DOCK3: variants seen among roughly 807,000 people sequenced by gnomAD.
DOCK3 encodes dedicator of cytokinesis 3.
In DOCK3, 60 loss-of-function variants were observed where a neutral mutation model predicts 265.6. That is an observed-to-expected ratio of 0.23 (90% CI 0.18 to 0.28). The LOEUF is 0.28. Among genes scored for constraint, DOCK3 ranks in the 10% least tolerant of loss-of-function variants. DOCK3 has a pLI of 1.00. For synonymous variants in DOCK3, 881 were observed against 938.0 expected, an observed-to-expected ratio of 0.94 and a Z score of 1.11; for missense variants, 1,981 against 2,594.3, an observed-to-expected ratio of 0.76 and a Z score of 5.14.
chr3:50,738,283 G>A (rs2038775110), intron 1 of DOCK3, among the ~76,000 whole-genome samples: 1 of 152,098 alleles, frequency 6.6e-6, no homozygotes, highest in South Asian at 2.1e-4. Flanking sequence ...AGTCAGCCTG[G>A]TGCTGGAGTT....
intron 27 of DOCK3, among the ~76,000 whole-genome samples, chr3:51,307,888 T>TG (rs923919500): frequency 9.3e-5 from 14 of 149,778 alleles, no homozygotes; most frequent in African/African-American, 3.2e-4. Context: ...GGTTTTTTTT[T>TG]TTGTTTTTTT....
At chr3:50,948,021 A>AATTATCATTATT (rs1425455436) in intron 5 of DOCK3, among the ~76,000 whole-genome samples, 9 of 120,334 alleles carry the variant, frequency 7.5e-5, no homozygotes, top group South Asian at 2.8e-4. Flanking sequence ...ACGCCCAGCT[A>AATTATCATTATT]ATTATTATTA....
intron 9 of DOCK3, among the ~76,000 whole-genome samples, chr3:51,134,175 T>C (rs781661979): frequency 2.6e-5 from 4 of 152,170 alleles, no homozygotes; most frequent in Non-Finnish European, 5.9e-5. Context: ...TTATCCAGTC[T>C]ACCATTGATG....
intron 5 of DOCK3, among the ~76,000 whole-genome samples, chr3:51,053,162 C>T (rs1412001439): frequency 8.1e-6 from 1 of 122,958 alleles, no homozygotes. Context: ...TGGCATTGAA[C>T]AAAAAAATAG....
At chr3:50,807,970 C>T (rs1227469304) in intron 2 of DOCK3, among the ~76,000 whole-genome samples, 1 of 152,182 alleles carries the variant, frequency 6.6e-6, no homozygotes, top group African/African-American at 2.4e-5. Context: ...AGGCTGGTCT[C>T]AAGCAGTCCT....
At chr3:50,712,721 G>C (rs2036852678) in intron 1 of DOCK3, among the ~76,000 whole-genome samples, 1 of 152,060 alleles carries the variant, frequency 6.6e-6, no homozygotes, top group Non-Finnish European at 1.5e-5. Context: ...TTTCCTCTTT[G>C]ACTCACTGGT....
At chr3:50,949,763 G>A (rs7433217) in intron 5 of DOCK3, among the ~76,000 whole-genome samples, 116,650 of 152,048 alleles carry the variant, frequency 0.77, 45,695 homozygotes, top group Middle Eastern at 0.88. Flanking sequence ...CCATAAAATT[G>A]CCTTCTCCCA....
At chr3:50,835,735 ATT>A (rs1213215445) in intron 2 of DOCK3, among the ~76,000 whole-genome samples, 1 of 152,222 alleles carries the variant, frequency 6.6e-6, no homozygotes. Context: ...TAAGGGTTCC[ATT>A]TTTGTAGCAG....
At chr3:51,363,635 A>T (rs148925936) in intron 49 of DOCK3, among the ~76,000 whole-genome samples, 2 of 152,098 alleles carry the variant, frequency 1.3e-5, no homozygotes, top group African/African-American at 4.8e-5. Flanking sequence ...ATCCCTCCCC[A>T]CTTCCCCCAC....
intron 2 of DOCK3, among the ~76,000 whole-genome samples, chr3:50,803,717 C>T (rs2043205538): frequency 6.6e-6 from 1 of 151,208 alleles, no homozygotes; most frequent in African/African-American, 2.4e-5. Flanking sequence ...CCACCTCCCT[C>T]CCAGATGGGG....
intron 22 of DOCK3, among the ~76,000 whole-genome samples, chr3:51,258,485 C>T (rs4974099): frequency 0.82 from 124,945 of 152,060 alleles, 51,917 homozygotes; most frequent in Middle Eastern, 0.9. Context: ...TCTGTGTGAC[C>T]TAACTGAGGA....
Position 51,159,551 on chromosome 3 carries a change from T to A in DOCK3, c.889+247T>A, listed in dbSNP as rs1458974960. Among the ~76,000 whole-genome samples the A allele has an allele frequency of 3.9e-5, 6 of 152,320 alleles. No homozygotes were observed. In the East Asian group the frequency reaches 7.7e-4, roughly 20 times the overall value. On this transcript the variant is annotated intron_variant, in intron 11 of 52. Transcript: ENST00000266037. ...CACTTAAAACCTTCTGCTCCCTGTT[T>A]TTAGACCCAAACTTTTTATTTAAAA...
chr3:51,327,549 G>A (rs1417634132), intron 32 of DOCK3, among the ~76,000 whole-genome samples: 2 of 151,972 alleles, frequency 1.3e-5, no homozygotes, highest in Non-Finnish European at 2.9e-5. Context: ...ACTTACAGAT[G>A]TTGATTTTGC....
At chr3:50,707,607 G>T (rs1421271326) in intron 1 of DOCK3, among the ~76,000 whole-genome samples, 2 of 152,154 alleles carry the variant, frequency 1.3e-5, no homozygotes, top group African/African-American at 4.8e-5. Context: ...GTCTTTGGTG[G>T]GGATGGGGAT....
intron 9 of DOCK3, among the ~76,000 whole-genome samples, chr3:51,130,900 G>T (rs1245253560): frequency 6.6e-6 from 1 of 152,106 alleles, no homozygotes; most frequent in African/African-American, 2.4e-5. Flanking sequence ...TAGAGATGGG[G>T]TTTCACGGTG....
chr3:50,860,140 G>T (rs974416988), intron 3 of DOCK3, among the ~76,000 whole-genome samples: 3 of 152,166 alleles, frequency 2.0e-5, no homozygotes, highest in Non-Finnish European at 4.4e-5. Context: ...GGGGTTCCTT[G>T]TCTGGTGATG....
intron 42 of DOCK3, 56 bp from the exon 43 acceptor site, chr3:51,356,351 G>A: frequency 6.2e-7 from 1 of 1,612,236 alleles, no homozygotes; most frequent in Non-Finnish European, 8.5e-7. Context: ...CCTCAGGTAG[G>A]CAGGGTGTGG....
chr3:50,778,816 A>T, intron 2 of DOCK3, 58 bp downstream of exon 2: 1 of 1,211,258 alleles, frequency 8.3e-7, no homozygotes. Flanking sequence ...TATTATATAC[A>T]TTTATTTTGT....
intron 23 of DOCK3, among the ~76,000 whole-genome samples, chr3:51,266,421 T>G (rs1278694798): frequency 6.6e-6 from 1 of 152,148 alleles, no homozygotes; most frequent in Non-Finnish European, 1.5e-5. Context: ...CTACCTGACT[T>G]CAAACTATAC....
Sources: allele counts gnomAD v4.1 joint callset (sites outside exome capture counted in the v4.1 genomes callset), GRCh38; gene constraint gnomAD v4.1.1; transcripts MANE v1.5; gene names NCBI Gene and HGNC (gene_info 2026-07-23, HGNC 2026-07-21).